PCDHA3: variants seen among roughly 807,000 people sequenced by gnomAD.
PCDHA3 encodes the protein protocadherin alpha-3.
A neutral mutation model predicts 62.2 loss-of-function variants in PCDHA3; 41 were observed. That is an observed-to-expected ratio of 0.66 (90% CI 0.51 to 0.86). The LOEUF (loss-of-function observed/expected upper bound fraction) is 0.86, where lower values mean the gene tolerates loss of function less well. Ranked by LOEUF, PCDHA3 falls within the 40% of genes least tolerant of loss-of-function variation. The pLI is 0.00. For synonymous variants in PCDHA3, 640 were observed against 555.4 expected (o/e 1.15, Z -2.14); for missense variants, 1,304 against 1,241.2 (o/e 1.05, Z -0.76).
chr5:140,968,739 T>C, intron 1 of PCDHA3: 1 of 1,614,192 alleles, frequency 6.2e-7, no homozygotes, highest in South Asian at 1.1e-5. Context: ...ACTTTCAACC[T>C]GACCGTGGTG....
intron 1 of PCDHA3, chr5:140,809,518 T>C: frequency 1.2e-6 from 2 of 1,614,220 alleles, no homozygotes; most frequent in Non-Finnish European, 1.7e-6. Context: ...CCAGTTTACC[T>C]GACTCTAGGG....
intron 1 of PCDHA3, among the ~76,000 whole-genome samples, chr5:140,880,546 T>C (rs919094204): frequency 7.9e-5 from 12 of 152,198 alleles, no homozygotes; most frequent in Non-Finnish European, 1.8e-4. Flanking sequence ...GAAAGTGAAC[T>C]GATGGAAATG....
intron 1 of PCDHA3, chr5:140,968,734 C>A: frequency 6.2e-7 from 1 of 1,614,162 alleles, no homozygotes; most frequent in Non-Finnish European, 8.5e-7. Flanking sequence ...GTAGCACTTT[C>A]AACCTGACCG....
At chr5:140,832,679 G>A (rs1212097069) in intron 1 of PCDHA3, among the ~76,000 whole-genome samples, 3 of 152,094 alleles carry the variant, frequency 2.0e-5, no homozygotes, top group Non-Finnish European at 4.4e-5. Context: ...GAGAATCATC[G>A]AATTAACAAG....
At chr5:140,990,130 G>A (rs1448603304) in intron 3 of PCDHA3, among the ~76,000 whole-genome samples, 1 of 152,066 alleles carries the variant, frequency 6.6e-6, no homozygotes, top group Admixed American at 6.6e-5. Flanking sequence ...GTAGAAGTCA[G>A]ACTCAAGAGG....
rs185971380 is a variant in PCDHA3, at chr5:140,858,398, G to C, written c.2394+54807G>C. The C allele has an allele frequency of 3.8e-6, 6 of 1,574,020 alleles. No homozygotes were observed. Among genetic ancestry groups the C allele is most frequent in the South Asian group, 2.3e-5 (2 of 88,596 alleles). ...ACCATGCCCAATGGTAGATGTGGACGGGGAAGATCAGTCTATTGGAGGGGA... is the reference window on the plus strand; with the variant it reads ...ACCATGCCCAATGGTAGATGTGGACCGGGAAGATCAGTCTATTGGAGGGGA... On this transcript the variant is annotated intron_variant, in intron 1 of 3. Coordinates refer to ENST00000522353, the MANE Select transcript of PCDHA3 (RefSeq NM_018906.3).
intron 1 of PCDHA3, chr5:140,834,139 T>C (rs1487804482): frequency 6.0e-6 from 3 of 498,162 alleles, no homozygotes; most frequent in Non-Finnish European, 7.0e-6. Flanking sequence ...ATCTGATTAA[T>C]AGTTTGTAAT....
chr5:140,986,198 C>T (rs782730684), intron 3 of PCDHA3, among the ~76,000 whole-genome samples: 1 of 152,200 alleles, frequency 6.6e-6, no homozygotes, highest in African/African-American at 2.4e-5. Flanking sequence ...ATTGGTTAAT[C>T]CTGATTACTG....
chr5:140,946,574 G>A (rs246054), intron 1 of PCDHA3, among the ~76,000 whole-genome samples: 79,382 of 143,554 alleles, frequency 0.55, 22,609 homozygotes, highest in African/African-American at 0.68. Context: ...AATCAACTTA[G>A]GTGTTCATAG....
At position 140,856,860 on chromosome 5, in the gene PCDHA3, G is replaced by A; in HGVS notation, c.2394+53269G>A. 1.3e-6 allele frequency: 2 copies of A among 1,594,690 alleles called. 1 individual carries two copies. On this transcript the variant is annotated intron_variant, in intron 1 of 3. Transcript: ENST00000522353. ...CTCAACGCTTCTGATTCGGATGAAGGAATAAACAAGGAAATGATGTATTCA... is the reference window on the plus strand; with the variant it reads ...CTCAACGCTTCTGATTCGGATGAAGAAATAAACAAGGAAATGATGTATTCA...
Position 140,885,214 on chromosome 5 carries a change from T to A in PCDHA3, c.2394+81623T>A, listed in dbSNP as rs550824585. On this transcript the variant is annotated intron_variant, in intron 1 of 3. Coordinates refer to ENST00000522353, the MANE Select transcript of PCDHA3 (RefSeq NM_018906.3). ...CCCCTCTCATATATCCCATGAAAAATATCTTGTGATTCTGCTTTCAATTTT... is the reference window on the plus strand; with the variant it reads ...CCCCTCTCATATATCCCATGAAAAAAATCTTGTGATTCTGCTTTCAATTTT... Among the ~76,000 whole-genome samples the A allele has an allele frequency of 2.8e-3, 423 of 152,168 alleles. 2 individuals carry two copies. The highest frequency in any genetic ancestry group is 0.014 in the Middle Eastern group (4 of 294).
intron 1 of PCDHA3, chr5:140,856,811 G>A: frequency 3.8e-6 from 6 of 1,594,886 alleles, no homozygotes; most frequent in Non-Finnish European, 5.2e-6. Flanking sequence ...TGAAAATCAA[G>A]TGAACCAAAC....
intron 1 of PCDHA3, chr5:140,830,167 G>T (rs1247870585): frequency 1.9e-6 from 3 of 1,613,430 alleles, no homozygotes; most frequent in Non-Finnish European, 2.5e-6. Context: ...CAGAGGCGGC[G>T]CTGGTGGATG....
At position 140,801,321 on chromosome 5, in the gene PCDHA3, G is replaced by C. The variant is rs138727039; in HGVS notation, c.124G>C (p.Gly42Arg). The change falls in exon 1 of 4, where the codon GGC becomes CGC. Residue 42 changes from glycine (G) to arginine (R), a missense_variant. By Grantham distance (125) the Gly-to-Arg change is moderately radical (BLOSUM62 -2). Transcript: ENST00000522353. ...HYSVSEEAKH[G>R]TFVGRIAQDL... ...CTCCGTCTCTGAGGAGGCCAAGCAT[G>C]GCACCTTCGTGGGCCGCATCGCGCA... is the stretch of plus-strand genomic sequence containing the variant. 6.2e-7 allele frequency: 1 copy of C among 1,613,350 alleles called. No homozygotes were observed. Among genetic ancestry groups the C allele is most frequent in the African/African-American group, 1.3e-5 (1 of 75,038 alleles).
intron 1 of PCDHA3, chr5:140,882,737 G>A (rs1375859660): frequency 6.2e-7 from 1 of 1,614,090 alleles, no homozygotes; most frequent in Admixed American, 1.7e-5. Flanking sequence ...ACTAGATGGC[G>A]CATCCGATGC....
chr5:140,835,536 G>T, intron 1 of PCDHA3: 9 of 1,613,940 alleles, frequency 5.6e-6, no homozygotes, highest in Non-Finnish European at 7.6e-6. Context: ...CAACGGACAG[G>T]TTACCTGCTC....
At chr5:140,883,410 C>T in intron 1 of PCDHA3, 2 of 1,614,180 alleles carry the variant, frequency 1.2e-6, no homozygotes, top group Non-Finnish European at 1.7e-6. Flanking sequence ...GACTCTGGCT[C>T]AAATGGACAG....
Position 141,009,658 on chromosome 5 carries a change from C to T in PCDHA3, c.2574C>T (p.Val858=), listed in dbSNP as rs571898721. The T allele has an allele frequency of 6.2e-6, 10 of 1,613,948 alleles. No individual in the cohort carries two copies. Among genetic ancestry groups the T allele is most frequent in the South Asian group, 4.4e-5 (4 of 91,030 alleles). The change falls in exon 4 of 4, where the codon GTC becomes GTT. Residue 858 remains valine, a synonymous_variant. Transcript: ENST00000522353. ...EPEAGEVSPP[V]GAGVNSNSWT... ...AGGCAGGAGAAGTGTCCCCTCCAGT[C>T]GGTGCGGGTGTCAACAGCAACAGCT...
chr5:140,988,204 AG>A (rs2097287084), intron 3 of PCDHA3, among the ~76,000 whole-genome samples: 1 of 152,100 alleles, frequency 6.6e-6, no homozygotes, highest in South Asian at 2.1e-4. Context: ...TATCCTTATT[AG>A]GAAAAAAAAA....
Sources: allele counts gnomAD v4.1 joint callset (sites outside exome capture counted in the v4.1 genomes callset), GRCh38; gene constraint gnomAD v4.1.1; transcripts MANE v1.5; gene names NCBI Gene and HGNC (gene_info 2026-07-23, HGNC 2026-07-21).